Variants in PRKCB observed in about 807,000 individuals in gnomAD.
PRKCB encodes the protein protein kinase C beta type.
A neutral mutation model predicts 81.5 loss-of-function variants in PRKCB; 13 were observed. The ratio of observed to expected loss-of-function variants is 0.16; its 90% CI spans 0.10 to 0.25. PRKCB has a LOEUF of 0.25. Ranked by LOEUF, PRKCB falls within the 10% of genes least tolerant of loss-of-function variation. PRKCB has a pLI of 1.00. For missense variants in PRKCB, 509 were observed against 875.7 expected, an observed-to-expected ratio of 0.58 and a Z score of 5.29; for synonymous variants, 335 against 321.4, an observed-to-expected ratio of 1.04 and a Z score of -0.45.
chr16:24,147,931 C>T (rs1967019420), intron 9 of PRKCB, among the ~76,000 whole-genome samples: 1 of 152,142 alleles, frequency 6.6e-6, no homozygotes, highest in South Asian at 2.1e-4. Flanking sequence ...CAACGTTGCC[C>T]TTTTTTTCCT....
At chr16:23,919,076 G>C (rs1963785425) in intron 2 of PRKCB, among the ~76,000 whole-genome samples, 1 of 152,176 alleles carries the variant, frequency 6.6e-6, no homozygotes, top group African/African-American at 2.4e-5. Context: ...CTATTTCAAA[G>C]ATGAAACATT....
At chr16:24,017,235 C>T (rs748336707) in intron 3 of PRKCB, among the ~76,000 whole-genome samples, 4 of 152,034 alleles carry the variant, frequency 2.6e-5, no homozygotes, top group Non-Finnish European at 5.9e-5. Flanking sequence ...ATAAGAAATT[C>T]GTGTATCATA....
intron 3 of PRKCB, among the ~76,000 whole-genome samples, chr16:24,027,004 TTTA>T (rs2141850860): frequency 6.6e-6 from 1 of 152,244 alleles, no homozygotes; most frequent in South Asian, 2.1e-4. Flanking sequence ...GGGTTCCTTT[TTTA>T]TTATTATTAT....
chr16:24,038,774 C>T (rs538968906), intron 5 of PRKCB, among the ~76,000 whole-genome samples: 13 of 152,284 alleles, frequency 8.5e-5, no homozygotes, highest in African/African-American at 2.4e-4. Flanking sequence ...AAAAGCTTGG[C>T]GAGAGTGTGG....
chr16:24,071,436 T>TA (rs398042091), intron 5 of PRKCB, among the ~76,000 whole-genome samples: 1,114 of 57,262 alleles, frequency 0.019, 30 homozygotes, highest in East Asian at 0.027. Flanking sequence ...AGACCCTGTC[T>TA]AAAAAAAAAA....
At chr16:24,152,399 C>T (rs934324623) in intron 9 of PRKCB, among the ~76,000 whole-genome samples, 11 of 152,148 alleles carry the variant, frequency 7.2e-5, no homozygotes, top group South Asian at 4.1e-4. Context: ...CAATTCAAGA[C>T]GAGATTTGGG....
intron 7 of PRKCB, 52 bp downstream of exon 7, chr16:24,094,349 C>G: frequency 1.3e-6 from 2 of 1,586,050 alleles, no homozygotes; most frequent in East Asian, 4.5e-5. Flanking sequence ...CCATCAAACG[C>G]GGGGTCAAGT....
chr16:24,065,612 T>C (rs1338929615), intron 5 of PRKCB, among the ~76,000 whole-genome samples: 4 of 152,212 alleles, frequency 2.6e-5, no homozygotes, highest in Admixed American at 6.5e-5. Context: ...TTAGTTTTCA[T>C]TCTTTCTTAC....
At chr16:24,049,058 T>G (rs1033062868) in intron 5 of PRKCB, among the ~76,000 whole-genome samples, 1 of 139,756 alleles carries the variant, frequency 7.2e-6, no homozygotes, top group South Asian at 2.4e-4. Flanking sequence ...TTTTTTTTTT[T>G]TTTTTTTTTT....
intron 5 of PRKCB, among the ~76,000 whole-genome samples, chr16:24,091,307 C>T (rs1966374230): frequency 6.6e-6 from 1 of 152,122 alleles, no homozygotes; most frequent in African/African-American, 2.4e-5. Flanking sequence ...TAAGATTGAA[C>T]CATCTTTGCA....
At chr16:24,048,666 A>AT (rs1965797214) in intron 5 of PRKCB, among the ~76,000 whole-genome samples, 1 of 151,496 alleles carries the variant, frequency 6.6e-6, no homozygotes, top group South Asian at 2.1e-4. Flanking sequence ...ATTTTTTTGT[A>AT]TTTTTAGTAG....
At chr16:23,948,807 G>T (rs754623895) in intron 2 of PRKCB, among the ~76,000 whole-genome samples, 10 of 152,196 alleles carry the variant, frequency 6.6e-5, no homozygotes, top group South Asian at 4.1e-4. Flanking sequence ...CTTGCTCAAG[G>T]TTCCACTGTC....
At chr16:23,874,853 A>C (rs574968985) in intron 2 of PRKCB, among the ~76,000 whole-genome samples, 1 of 151,818 alleles carries the variant, frequency 6.6e-6, no homozygotes, top group Non-Finnish European at 1.5e-5. Flanking sequence ...TAATCTGAAA[A>C]CCTCTTAATC....
intron 3 of PRKCB, among the ~76,000 whole-genome samples, chr16:24,030,286 A>C (rs1185535735): frequency 1.3e-5 from 2 of 152,206 alleles, no homozygotes; most frequent in Non-Finnish European, 2.9e-5. Flanking sequence ...CTTGAAGAAG[A>C]AAGAGAAATG....
At chr16:23,911,128 C>CTTTTTTTTATTTTTTTTTTTTTTTTTTT (rs1963645698) in intron 2 of PRKCB, among the ~76,000 whole-genome samples, 1 of 31,558 alleles carries the variant, frequency 3.2e-5, no homozygotes, top group Non-Finnish European at 5.4e-5. Flanking sequence ...CGTATATATG[C>CTTTTTTTTATTTTTTTTTTTTTTTTTTT]TTTTTTTTTT....
chr16:24,133,884 A>C (rs953969378), intron 9 of PRKCB, among the ~76,000 whole-genome samples: 32 of 149,406 alleles, frequency 2.1e-4, no homozygotes, highest in Non-Finnish European at 4.4e-4. Context: ...CATCTTCCCA[A>C]ACCCCTAGTT....
At chr16:23,933,320 C>G (rs1056643436) in intron 2 of PRKCB, among the ~76,000 whole-genome samples, 1 of 152,194 alleles carries the variant, frequency 6.6e-6, no homozygotes, top group Non-Finnish European at 1.5e-5. Context: ...ACTGAGAGCA[C>G]TGTCATTCTT....
chr16:24,142,970 G>T (rs1265155549), intron 9 of PRKCB, among the ~76,000 whole-genome samples: 1 of 152,054 alleles, frequency 6.6e-6, no homozygotes. Context: ...TGGTCCCCCG[G>T]AGGCCTACAG....
intron 2 of PRKCB, among the ~76,000 whole-genome samples, chr16:23,929,253 A>G (rs1420714402): frequency 6.6e-6 from 1 of 152,154 alleles, no homozygotes; most frequent in Non-Finnish European, 1.5e-5. Context: ...CTTTGATGCC[A>G]GGCCACAGAG....
Sources: allele counts gnomAD v4.1 joint callset (sites outside exome capture counted in the v4.1 genomes callset), GRCh38; gene constraint gnomAD v4.1.1; transcripts MANE v1.5; gene names NCBI Gene and HGNC (gene_info 2026-07-23, HGNC 2026-07-21).